Variants in RADIL observed in about 807,000 individuals in gnomAD.
RADIL encodes the protein ras-associating and dilute domain-containing protein.
In RADIL, 99 loss-of-function variants were observed where a neutral mutation model predicts 97.6. The observed-to-expected ratio is 1.01, with a 90% CI of 0.86 to 1.20. The LOEUF (loss-of-function observed/expected upper bound fraction) is 1.20. Among genes scored for constraint, RADIL ranks in the 50% most tolerant of loss-of-function variants. RADIL has a pLI of 0.00. For synonymous variants in RADIL, 803 were observed against 691.8 expected, an observed-to-expected ratio of 1.16 and a Z score of -2.52; for missense variants, 1,765 against 1,498.9, an observed-to-expected ratio of 1.18 and a Z score of -2.93.
At position 4,799,490 on chromosome 7, in the gene RADIL, T is replaced by G. The variant is rs765881889; in HGVS notation, c.3123-7A>C. ...ACGGATCAGGTCCACAGCTCTGAAATCCATGCCAGAGGTGGGGGTGGGCAG... is the reference window on the plus strand; with the variant it reads ...ACGGATCAGGTCCACAGCTCTGAAAGCCATGCCAGAGGTGGGGGTGGGCAG... On this transcript the variant is annotated splice_region_variant and splice_polypyrimidine_tract_variant and intron_variant, in intron 14 of 14. Transcript: ENST00000399583. 6.2e-7 allele frequency: 1 copy of G among 1,613,748 alleles called. No homozygotes were observed. The highest frequency in any genetic ancestry group is 8.5e-7 in the Non-Finnish European group (1 of 1,179,934).
intron 2 of RADIL, among the ~76,000 whole-genome samples, chr7:4,841,225 G>A (rs575178195): frequency 5.3e-5 from 8 of 152,150 alleles, no homozygotes; most frequent in African/African-American, 1.2e-4. Flanking sequence ...TGGCCCCAAC[G>A]CCCTCGTCTT....
intron 2 of RADIL, among the ~76,000 whole-genome samples, chr7:4,870,306 C>T (rs1326143676): frequency 2.0e-5 from 3 of 152,206 alleles, no homozygotes; most frequent in African/African-American, 7.2e-5. Flanking sequence ...AAGAACGATA[C>T]ATTCTCTGTC....
At chr7:4,802,656 T>C (rs372565780) in intron 11 of RADIL, among the ~76,000 whole-genome samples, 4 of 64,866 alleles carry the variant, frequency 6.2e-5, no homozygotes, top group Non-Finnish European at 9.2e-5. Flanking sequence ...CTCGGGGCAC[T>C]CTGGCTGGGG....
rs1055563478 is a variant in RADIL, at chr7:4,834,209, G to A, written c.1416+398C>T. Among the ~76,000 whole-genome samples the A allele has an allele frequency of 3.3e-5, 5 of 152,158 alleles. No homozygotes were observed. Among genetic ancestry groups the A allele is most frequent in the Non-Finnish European group, 7.4e-5 (5 of 68,024 alleles). On this transcript the variant is annotated intron_variant, in intron 4 of 14. Transcript: ENST00000399583. This position sits in a 1 kb window ranked among gnomAD's most constrained non-coding sequence, Gnocchi z 6.0. ...GCGCCGGCACACACAGGGGCTTCTG[G>A]GGCTCTTGGGCAGGGGCCTGTGAGA...
intron 9 of RADIL, among the ~76,000 whole-genome samples, chr7:4,812,196 A>C (rs909894055): frequency 6.6e-6 from 1 of 152,136 alleles, no homozygotes; most frequent in African/African-American, 2.4e-5. Context: ...GTTTCTCTAA[A>C]GCATGCAGGA....
intron 2 of RADIL, chr7:4,861,857 T>G (rs1447499569): frequency 7.5e-7 from 1 of 1,324,908 alleles, no homozygotes; most frequent in Non-Finnish European, 9.9e-7. Context: ...CACCGCGACC[T>G]TCGCGGCCGC....
intron 5 of RADIL, among the ~76,000 whole-genome samples, chr7:4,827,362 CAA>C (rs75389601): frequency 1.7e-4 from 18 of 107,176 alleles, no homozygotes; most frequent in African/African-American, 1.6e-4. Context: ...GAGACTGTCT[CAA>C]AAAAAAAAAA....
At position 4,822,939 on chromosome 7, in the gene RADIL, A is replaced by C. The variant is rs1182994447; in HGVS notation, c.1455-385T>G. Among the ~76,000 whole-genome samples the C allele has an allele frequency of 2.0e-5, 3 of 152,170 alleles. No homozygotes were observed. ...CGTGCATGGGGGTGGGGGCTGGTCC[A>C]TGGTTTTCAGAACAAGAAATGTCAG... On this transcript the variant is annotated intron_variant, in intron 5 of 14. Coordinates refer to ENST00000399583, the MANE Select transcript of RADIL (RefSeq NM_018059.5). This position sits in a 1 kb window ranked among gnomAD's most constrained non-coding sequence, Gnocchi z 5.3.
At chr7:4,807,630 C>A (rs1396644989) in intron 9 of RADIL, among the ~76,000 whole-genome samples, 1 of 83,714 alleles carries the variant, frequency 1.2e-5, no homozygotes, top group Non-Finnish European at 2.4e-5. Context: ...CCCGTCTCCC[C>A]TCCCTCCTCC....
Position 4,799,711 on chromosome 7 carries a change from G to GCC in RADIL, c.3040_3041insGG (p.Ala1014GlyfsTer17). On this transcript the variant is annotated frameshift_variant, in exon 14 of 15. Transcript: ENST00000399583. LOFTEE classifies it high-confidence loss of function. ...CAGCGACAGGCGCCCGTCGGCCGCT[G>GCC]CGGGGCTGCCCGGGAGCAGGGTCTG... 6.4e-7 allele frequency: 1 copy of GCC among 1,571,010 alleles called. No homozygotes were observed. The highest frequency in any genetic ancestry group is 1.3e-5 in the African/African-American group (1 of 74,296).
rs201314914 is a variant in RADIL at position 4,834,635 on chromosome 7, A to G, written c.1388T>C (p.Ile463Thr). ...GACAGTCTCGCGGATCAGCCTGGCT[A>G]TCTTGAGCAGGAGCTGCCCGAATGT... ...PGTFGQLLLK[I>T]ARLIRETVWE... Residue 463 changes from isoleucine (I) to threonine (T), a missense_variant, in exon 4 of 15, where the codon ATA (isoleucine) becomes ACA (threonine). Physicochemically the swap from Ile to Thr is moderately conservative, Grantham distance 89 (BLOSUM62 -1). Coordinates refer to ENST00000399583, the MANE Select transcript of RADIL (RefSeq NM_018059.5). The surrounding 1 kb of genome is among the most constrained non-coding windows in gnomAD (Gnocchi z 6.0). 5.9e-6 allele frequency: 8 copies of G among 1,352,464 alleles called. No homozygotes were observed. The African/African-American group carries it at 6.0e-5, about 10-fold the overall frequency. 83.8% of individuals were successfully genotyped at this position (1,352,464 alleles called of 1,614,324 possible).
At chr7:4,807,122 C>G (rs915440459) in intron 9 of RADIL, among the ~76,000 whole-genome samples, 3 of 152,090 alleles carry the variant, frequency 2.0e-5, no homozygotes, top group African/African-American at 7.2e-5. Context: ...GCTGGGTCCC[C>G]TCTGTTCTCA....
chr7:4,861,406 A>C, intron 2 of RADIL: 1 of 1,614,208 alleles, frequency 6.2e-7, no homozygotes, highest in Non-Finnish European at 8.5e-7. Context: ...TCAGTTTAGC[A>C]TAGAATGAGG....
rs756090704 is a variant in RADIL at position 4,835,255 on chromosome 7, C to T, written c.784-16G>A. ...CCAGGCTGTCCTGAAACAGAGACTC[C>T]GCTCAGGGCAGGCGTAACGCGAGCA... On this transcript the variant is annotated splice_polypyrimidine_tract_variant and intron_variant, in intron 3 of 14. Coordinates refer to ENST00000399583, the MANE Select transcript of RADIL (RefSeq NM_018059.5). The surrounding 1 kb of genome is among the most constrained non-coding windows in gnomAD (Gnocchi z 5.8). The T allele has an allele frequency of 7.8e-5, 126 of 1,605,180 alleles. No individual in the cohort carries two copies. In the Admixed American group the frequency reaches 2.0e-3, roughly 25 times the overall value.
chr7:4,861,439 A>G (rs751076694), intron 2 of RADIL: 2 of 1,614,030 alleles, frequency 1.2e-6, no homozygotes, highest in East Asian at 2.2e-5. Flanking sequence ...TTCGATCCAC[A>G]TGACTTGGTG....
chr7:4,846,099 CTT>C (rs1783562327), intron 2 of RADIL, among the ~76,000 whole-genome samples: 1 of 149,556 alleles, frequency 6.7e-6, no homozygotes, highest in Non-Finnish European at 1.5e-5. Context: ...TTATTTGTCT[CTT>C]TTGTTCCAGA....
In RADIL at chr7:4,873,472, C is replaced by T. The variant is rs1784300527; in HGVS notation, c.535+4133G>A. Among the ~76,000 whole-genome samples, 1 of 152,208 alleles carries T rather than the reference C, an allele frequency of 6.6e-6. No individual in the cohort carries two copies. Among genetic ancestry groups the T allele is most frequent in the Non-Finnish European group, 1.5e-5 (1 of 68,032 alleles). On this transcript the variant is annotated intron_variant, in intron 2 of 14. Transcript: ENST00000399583. This position sits in a 1 kb window ranked among gnomAD's most constrained non-coding sequence, Gnocchi z 4.3. ...TCCAGGTGAGATCGAACTGTTATCT[C>T]ACCAGGGATCAGGGACAGCCCCACG...
rs73307313 is a variant in RADIL at position 4,798,809 on chromosome 7, G to A, written c.*569C>T. On this transcript the variant is annotated 3_prime_UTR_variant, in exon 15 of 15. Transcript: ENST00000399583. Reference sequence around the variant, plus strand: ...CCATCAGGCCGGTCCACTTTCCAACGCCTGGGTGTCTAGACCTTTCTCTGG... The same window carrying A: ...CCATCAGGCCGGTCCACTTTCCAACACCTGGGTGTCTAGACCTTTCTCTGG... 0.039 allele frequency: 5,921 copies of A among 153,696 alleles called. 382 individuals carry two copies. The highest frequency in any genetic ancestry group is 0.13 in the African/African-American group (5,545 of 41,570). 9.5% of individuals were successfully genotyped at this position (153,696 alleles called of 1,614,324 possible).
In RADIL at chr7:4,878,036, T is replaced by C. The variant is rs768996711; in HGVS notation, c.104A>G (p.Lys35Arg). The C allele has an allele frequency of 4.4e-6, 7 of 1,608,696 alleles. No individual in the cohort carries two copies. In the South Asian group the frequency reaches 5.5e-5, roughly 13 times the overall value. ...SSMLSRTLSY[K>R]YRDLDSTFSS... ...GAAGGTGGAGTCCAGGTCCCGGTAC[T>C]TGTAGCTCAGCGTCCGGGACAGCAT... Residue 35 changes from lysine (K) to arginine (R), a missense_variant, in exon 2 of 15, where the codon AAG (lysine) becomes AGG (arginine). Physicochemically the swap from Lys to Arg is conservative, Grantham distance 26. Coordinates refer to ENST00000399583, the MANE Select transcript of RADIL (RefSeq NM_018059.5). This position sits in a 1 kb window ranked among gnomAD's most constrained non-coding sequence, Gnocchi z 4.1.
Sources: gnomAD v4.1 joint callset for allele counts (sites outside exome capture counted in the v4.1 genomes callset) on GRCh38, gnomAD v4.1.1 for gene constraint, Gnocchi (gnomAD v3.1) non-coding constraint, MANE v1.5 for transcripts, NCBI Gene and HGNC (gene_info 2026-07-23, HGNC 2026-07-21) for gene names.